CNBD1: variants seen among roughly 807,000 people sequenced by gnomAD.
The protein encoded by CNBD1 is cyclic nucleotide-binding domain-containing protein 1.
In CNBD1, 71 loss-of-function variants were observed where a neutral mutation model predicts 54.4. The ratio of observed to expected loss-of-function variants is 1.30; its 90% CI spans 1.08 to 1.59. The LOEUF (loss-of-function observed/expected upper bound fraction) is 1.59. Ranked by LOEUF, CNBD1 falls within the 40% of genes most tolerant of loss-of-function variation. CNBD1 has a pLI of 0.00. For missense variants in CNBD1, 659 were observed against 518.0 expected (o/e 1.27, Z -2.64); for synonymous variants, 182 against 170.7 (o/e 1.07, Z -0.51).
At chr8:87,378,030 T>C (rs1444001789) in intron 10 of CNBD1, among the ~76,000 whole-genome samples, 2 of 138,046 alleles carry the variant, frequency 1.4e-5, no homozygotes, top group African/African-American at 2.7e-5. Context: ...TTTGTTTGAG[T>C]TCATTGTAGA....
chr8:87,337,361 A>G (rs1809966533), intron 8 of CNBD1, among the ~76,000 whole-genome samples: 1 of 152,084 alleles, frequency 6.6e-6, no homozygotes, highest in African/African-American at 2.4e-5. Flanking sequence ...AGGTCCTCAG[A>G]CCCAGGGAGA....
intron 10 of CNBD1, among the ~76,000 whole-genome samples, chr8:87,380,530 ATTG>A (rs1435669922): frequency 6.6e-6 from 1 of 151,958 alleles, no homozygotes; most frequent in Non-Finnish European, 1.5e-5. Context: ...GAAATAAAAA[ATTG>A]TTTTGTCTAT....
intron 8 of CNBD1, among the ~76,000 whole-genome samples, chr8:87,350,204 C>T (rs1810257005): frequency 6.6e-6 from 1 of 152,028 alleles, no homozygotes; most frequent in South Asian, 2.1e-4. Context: ...TAATTCTACG[C>T]ATACGTTATA....
At position 87,131,263 on chromosome 8, in the gene CNBD1, T is replaced by G. The variant is rs113902514; in HGVS notation, c.432-74730T>G. ...CTACTTTTTATTTCTCTGGTATTTG[T>G]TTTCTGACTTTTTTGAGTTAATTGC... is the stretch of plus-strand genomic sequence containing the variant. On this transcript the variant is annotated intron_variant, in intron 4 of 10. Transcript: ENST00000518476. Among the ~76,000 whole-genome samples, 484 of 152,270 alleles carry G rather than the reference T, an allele frequency of 3.2e-3. 3 individuals are homozygous for G. Among genetic ancestry groups the G allele is most frequent in the African/African-American group, 0.011 (451 of 41,584 alleles).
intron 8 of CNBD1, among the ~76,000 whole-genome samples, chr8:87,343,159 C>G (rs1210763616): frequency 2.0e-5 from 3 of 152,212 alleles, no homozygotes; most frequent in African/African-American, 4.8e-5. Flanking sequence ...CCCAACCACG[C>G]AGGCAGTCAG....
At chr8:87,084,913 G>T (rs573436966) in intron 4 of CNBD1, among the ~76,000 whole-genome samples, 2 of 152,228 alleles carry the variant, frequency 1.3e-5, no homozygotes, top group African/African-American at 4.8e-5. Context: ...AACCTCAGGT[G>T]ATCCACCTGC....
At chr8:87,383,050 A>G (rs111908317), downstream of CNBD1, among the ~76,000 whole-genome samples, 1,821 of 152,144 alleles carry the variant, frequency 0.012, 39 homozygotes, top group African/African-American at 0.039. Context: ...ATTAAAAAAA[A>G]TCTATAAAGC....
intron 2 of CNBD1, among the ~76,000 whole-genome samples, chr8:86,889,202 A>G (rs1326329150): frequency 3.3e-5 from 5 of 152,208 alleles, no homozygotes; most frequent in African/African-American, 1.2e-4. Flanking sequence ...TCTGTTAGAA[A>G]TACAATATAT....
intron 4 of CNBD1, among the ~76,000 whole-genome samples, chr8:86,978,526 G>T (rs7460990): frequency 0.92 from 132,426 of 144,126 alleles, 60,901 homozygotes; most frequent in East Asian, 0.99. Flanking sequence ...TAAAGGACAT[G>T]CTTTTATCTT....
At chr8:86,924,985 G>C (rs1169716022) in intron 3 of CNBD1, among the ~76,000 whole-genome samples, 1 of 152,148 alleles carries the variant, frequency 6.6e-6, no homozygotes, top group African/African-American at 2.4e-5. Flanking sequence ...AGAAGACCTT[G>C]AGTTTGGCAC....
intron 2 of CNBD1, among the ~76,000 whole-genome samples, chr8:87,393,654 T>G (rs774625512): frequency 6.6e-6 from 1 of 151,724 alleles, no homozygotes; most frequent in Non-Finnish European, 1.5e-5. Context: ...AAGAGATGAA[T>G]GTAGTATGTG....
intron 1 of CNBD1, among the ~76,000 whole-genome samples, chr8:86,880,461 T>C (rs1297929678): frequency 6.6e-6 from 1 of 152,210 alleles, no homozygotes; most frequent in African/African-American, 2.4e-5. Context: ...AGATTTATAC[T>C]ATATGGGAAG....
intron 2 of CNBD1, among the ~76,000 whole-genome samples, chr8:87,413,945 A>T (rs1807794967): frequency 6.6e-6 from 1 of 151,740 alleles, no homozygotes; most frequent in Admixed American, 6.6e-5. Context: ...TAGTTCAACC[A>T]TTGTGGAAGT....
chr8:87,402,329 G>T (rs999863532), intron 2 of CNBD1, among the ~76,000 whole-genome samples: 2 of 151,868 alleles, frequency 1.3e-5, no homozygotes, highest in African/African-American at 4.8e-5. Context: ...ATACCAGAAG[G>T]TTTTCACGAG....
chr8:87,424,899 A>G (rs1415931162), intron 2 of CNBD1, among the ~76,000 whole-genome samples: 9 of 152,110 alleles, frequency 5.9e-5, no homozygotes, highest in African/African-American at 2.2e-4. Flanking sequence ...TCTCCTGGAT[A>G]ATATCCTGCA....
chr8:87,423,162 A>T (rs945156102), intron 2 of CNBD1, among the ~76,000 whole-genome samples: 1 of 152,170 alleles, frequency 6.6e-6, no homozygotes, highest in East Asian at 1.9e-4. Context: ...TATCAGCTTT[A>T]AGGAGATTTT....
At chr8:86,983,968 G>T (rs959258305) in intron 4 of CNBD1, among the ~76,000 whole-genome samples, 2 of 152,140 alleles carry the variant, frequency 1.3e-5, no homozygotes, top group Non-Finnish European at 2.9e-5. Context: ...AAACAATGGA[G>T]AGAATGTCTC....
At chr8:86,991,139 C>T (rs1586184192) in intron 4 of CNBD1, among the ~76,000 whole-genome samples, 1 of 152,092 alleles carries the variant, frequency 6.6e-6, no homozygotes, top group East Asian at 1.9e-4. Context: ...GATAATTTGA[C>T]TTCTTCCTTT....
chr8:87,350,725 C>T (rs1197635173), intron 8 of CNBD1, among the ~76,000 whole-genome samples: 1 of 151,928 alleles, frequency 6.6e-6, no homozygotes, highest in East Asian at 1.9e-4. Context: ...ATTTAGGTTA[C>T]TACTGCTGTG....
Sources: gnomAD v4.1 joint callset for allele counts (sites outside exome capture counted in the v4.1 genomes callset) on GRCh38, gnomAD v4.1.1 for gene constraint, MANE v1.5 for transcripts, NCBI Gene and HGNC (gene_info 2026-07-23, HGNC 2026-07-21) for gene names.